The following SPTB variants were observed in gnomAD, a reference collection of about 807,000 sequenced individuals.
The protein encoded by SPTB is spectrin beta, erythrocytic, also known as spectrin beta chain, erythrocytic.
SPTB carries 45 observed loss-of-function variants against 256.2 expected under a neutral mutation model. The ratio of observed to expected loss-of-function variants is 0.18; its 90% CI spans 0.14 to 0.23. The LOEUF (loss-of-function observed/expected upper bound fraction) is 0.23, where lower values mean the gene tolerates loss of function less well. Among genes scored for constraint, SPTB ranks in the 10% least tolerant of loss-of-function variants. The pLI is 1.00. For missense variants in SPTB, 2,715 were observed against 3,040.4 expected (o/e 0.89, Z 2.52); for synonymous variants, 1,231 against 1,243.1 (o/e 0.99, Z 0.21).
At position 64,764,788 on chromosome 14, in the gene SPTB, G is replaced by A. The variant is rs963337707; in HGVS notation, c.6345+1938C>T. 3.3e-5 allele frequency among the ~76,000 whole-genome samples: 5 copies of A among 152,158 alleles called. No homozygotes were observed. The highest frequency in any genetic ancestry group is 9.7e-5 in the African/African-American group (4 of 41,442). On this transcript the variant is annotated intron_variant, in intron 32 of 35. Transcript: ENST00000644917. This position sits in a 1 kb window ranked among gnomAD's most constrained non-coding sequence, Gnocchi z 4.2. ...CTAGCCCGTGTCCGCAGTCTGTGCCGGCCCCCCAGAGTTCGCTCTCCTTCC... is the reference window on the plus strand; with the variant it reads ...CTAGCCCGTGTCCGCAGTCTGTGCCAGCCCCCCAGAGTTCGCTCTCCTTCC...
In SPTB at chr14:64,771,842, G is replaced by C. The variant is rs187333788; in HGVS notation, c.5554-713C>G. On this transcript the variant is annotated intron_variant, in intron 26 of 35. Coordinates refer to ENST00000644917, the MANE Select transcript of SPTB (RefSeq NM_001355436.2). ...ATGAACCAGGGGCCCAGCCAACCCT[G>C]GTGTTCTGTCCCCAAGCCCTGCAGG... 8.5e-4 allele frequency among the ~76,000 whole-genome samples: 129 copies of C among 152,316 alleles called. 2 individuals carry two copies. In the East Asian group the frequency reaches 0.021, roughly 25 times the overall value.
intron 2 of SPTB, among the ~76,000 whole-genome samples, chr14:64,805,864 G>C (rs2285006): frequency 0.25 from 38,345 of 152,114 alleles, 4,959 homozygotes; most frequent in Middle Eastern, 0.3. Context: ...TGACTCATGT[G>C]GGGGTAAGGA....
Position 64,866,819 on chromosome 14 carries a change from C to A in SPTB, c.-52+12973G>T, listed in dbSNP as rs183681673. The stretch of plus-strand genomic sequence containing the variant: ...ACATGCCTTAAGGACAAACAATAAA[C>A]AGATTAACTGTACCCAGAAAAATAA... On this transcript the variant is annotated intron_variant, in intron 1 of 35. Coordinates refer to ENST00000644917, the MANE Select transcript of SPTB (RefSeq NM_001355436.2). This position sits in a 1 kb window ranked among gnomAD's most constrained non-coding sequence, Gnocchi z 4.6. 1.3e-3 allele frequency among the ~76,000 whole-genome samples: 198 copies of A among 152,268 alleles called. No individual in the cohort carries two copies. Among genetic ancestry groups the A allele is most frequent in the African/African-American group, 4.8e-3 (198 of 41,548 alleles).
At position 64,749,394 on chromosome 14, in the gene SPTB, A is replaced by G. The variant is rs928221807; in HGVS notation, c.6899T>C (p.Leu2300Pro). 1.9e-6 allele frequency: 3 copies of G among 1,609,432 alleles called. No individual in the cohort carries two copies. In the African/African-American group the frequency reaches 4.0e-5, roughly 21 times the overall value. Residue 2300 changes from leucine to proline, a missense_variant, in exon 36 of 36, where the codon CTG (leucine) becomes CCG (proline). By Grantham distance (98) the Leu-to-Pro change is moderately conservative. Coordinates refer to ENST00000644917, the MANE Select transcript of SPTB (RefSeq NM_001355436.2). The surrounding 1 kb of genome is among the most constrained non-coding windows in gnomAD (Gnocchi z 4.7). Reference sequence around the variant, plus strand: ...GGGGCCGGAGAGGGAAGGCAGGGGCAGGCTCTGCGCCTTGACGCGGATGCT... The same window carrying G: ...GGGGCCGGAGAGGGAAGGCAGGGGCGGGCTCTGCGCCTTGACGCGGATGCT... Reference protein sequence around the residue: ...SQSIRVKAQSLPLPSLSGPDA... With the variant: ...SQSIRVKAQSPPLPSLSGPDA...
chr14:64,856,880 G>A (rs1455584153), intron 1 of SPTB, among the ~76,000 whole-genome samples: 1 of 152,246 alleles, frequency 6.6e-6, no homozygotes, highest in Non-Finnish European at 1.5e-5. Context: ...AGCTGCTGCT[G>A]ACATGTTTGA....
chr14:64,859,919 T>A (rs2083937885), intron 1 of SPTB, among the ~76,000 whole-genome samples: 1 of 152,052 alleles, frequency 6.6e-6, no homozygotes, highest in African/African-American at 2.4e-5. Context: ...AAAAAAAAAT[T>A]AAGTGTTTCT....
chr14:64,788,735 T>G (rs2082618801), intron 15 of SPTB, among the ~76,000 whole-genome samples: 7 of 152,230 alleles, frequency 4.6e-5, no homozygotes, highest in Middle Eastern at 6.8e-3. Flanking sequence ...CACTGGAGCT[T>G]GGGTCTAGTC....
At chr14:64,876,769 G>T (rs1882844562) in intron 1 of SPTB, among the ~76,000 whole-genome samples, 1 of 152,140 alleles carries the variant, frequency 6.6e-6, no homozygotes, top group Non-Finnish European at 1.5e-5. Flanking sequence ...GCACTAAAAT[G>T]AAAGGACTAG....
At chr14:64,800,489 T>C (rs539276941) in intron 8 of SPTB, among the ~76,000 whole-genome samples, 1 of 152,218 alleles carries the variant, frequency 6.6e-6, no homozygotes, top group African/African-American at 2.4e-5. Context: ...AGGGTTCCTG[T>C]GGGGATGTCC....
At chr14:64,809,512 A>G (rs867114071) in intron 2 of SPTB, among the ~76,000 whole-genome samples, 20 of 151,732 alleles carry the variant, frequency 1.3e-4, no homozygotes, top group African/African-American at 4.6e-4. Context: ...TACCCAGCTA[A>G]TTTTTTATAT....
At chr14:64,821,494 C>A (rs1284651193) in intron 2 of SPTB, among the ~76,000 whole-genome samples, 1 of 152,220 alleles carries the variant, frequency 6.6e-6, no homozygotes, top group Non-Finnish European at 1.5e-5. Flanking sequence ...GAATATGGTA[C>A]CCCTCTCCCT....
chr14:64,801,848 A>T lies in SPTB; in HGVS notation c.567-14T>A. ...ACATGAGGGTAGCTGCATCCAAGAG[A>T]AACAGTAAGAGCTAAGAATTAGATT... On this transcript the variant is annotated splice_polypyrimidine_tract_variant and intron_variant, in intron 5 of 35. Coordinates refer to ENST00000644917, the MANE Select transcript of SPTB (RefSeq NM_001355436.2). 1 of 1,611,968 alleles carries T rather than the reference A, an allele frequency of 6.2e-7. No homozygotes were observed. The highest frequency in any genetic ancestry group is 8.5e-7 in the Non-Finnish European group (1 of 1,178,000).
At chr14:64,835,604 C>T (rs1244166887) in intron 1 of SPTB, among the ~76,000 whole-genome samples, 1 of 152,146 alleles carries the variant, frequency 6.6e-6, no homozygotes, top group African/African-American at 2.4e-5. Flanking sequence ...AGCACTCTAC[C>T]ACTAGAGTCG....
In SPTB at chr14:64,824,731, T is replaced by G. The variant is rs995157455; in HGVS notation, c.-51-1586A>C. On this transcript the variant is annotated intron_variant, in intron 1 of 35. Coordinates refer to ENST00000644917, the MANE Select transcript of SPTB (RefSeq NM_001355436.2). This position sits in a 1 kb window ranked among gnomAD's most constrained non-coding sequence, Gnocchi z 5.7. Reference sequence around the variant, plus strand: ...ACACTGACACACACCAGCACACACATGCACATCCACCAGGCACATGATCAC... The same window carrying G: ...ACACTGACACACACCAGCACACACAGGCACATCCACCAGGCACATGATCAC... Among the ~76,000 whole-genome samples, 2 of 152,054 alleles carry G rather than the reference T, an allele frequency of 1.3e-5. No homozygotes were observed. The highest frequency in any genetic ancestry group is 4.8e-5 in the African/African-American group (2 of 41,398).
intron 1 of SPTB, among the ~76,000 whole-genome samples, chr14:64,842,037 A>T (rs1179593318): frequency 1.3e-5 from 2 of 152,206 alleles, no homozygotes; most frequent in Non-Finnish European, 2.9e-5. Context: ...GCTGCTTGCA[A>T]AGTAACTGCC....
chr14:64,818,365 C>T (rs932436715), intron 2 of SPTB, among the ~76,000 whole-genome samples: 10 of 152,048 alleles, frequency 6.6e-5, no homozygotes, highest in Admixed American at 2.6e-4. Flanking sequence ...CATGGGATGC[C>T]GGATGCCAAG....
In SPTB at chr14:64,750,097, A is replaced by C; in HGVS notation, c.6660T>G (p.Asp2220Glu). 2 of 1,614,200 alleles carry C rather than the reference A, an allele frequency of 1.2e-6. No individual in the cohort carries two copies. The highest frequency in any genetic ancestry group is 2.2e-5 in the South Asian group (2 of 91,082). Residue 2220 changes from aspartate (D) to glutamate (E), a missense_variant, in exon 34 of 36, where the codon GAT (aspartate) becomes GAG (glutamate). Asp to Glu is a conservative substitution (Grantham distance 45, BLOSUM62 2). This residue lies in a region of SPTB where 2,239 missense variants were observed against 2,384.4 expected (regional missense o/e 0.94). Coordinates refer to ENST00000644917, the MANE Select transcript of SPTB (RefSeq NM_001355436.2). ...GCATCCCCAGGGCCAGGTTCTTGGC[A>C]TCCTTGTAGAAGGTTAGCTCACTGT... is the stretch of plus-strand genomic sequence containing the variant. ...LRNSELTFYK[D>E]AKNLALGMPY...
intron 1 of SPTB, among the ~76,000 whole-genome samples, chr14:64,833,017 A>G (rs2083470622): frequency 6.6e-6 from 1 of 152,202 alleles, no homozygotes; most frequent in Non-Finnish European, 1.5e-5. Context: ...TTTAAAACCC[A>G]TAATAAATCA....
In SPTB at chr14:64,825,966, C is replaced by T. The variant is rs559990571; in HGVS notation, c.-51-2821G>A. The stretch of plus-strand genomic sequence containing the variant: ...AGATGTATATGTGTGTCTAAATATA[C>T]AGCTGGAGGGTTTTTGTTTTTGTTT... On this transcript the variant is annotated intron_variant, in intron 1 of 35. Coordinates refer to ENST00000644917, the MANE Select transcript of SPTB (RefSeq NM_001355436.2). This position sits in a 1 kb window ranked among gnomAD's most constrained non-coding sequence, Gnocchi z 4.8. 6.6e-6 allele frequency among the ~76,000 whole-genome samples: 1 copy of T among 152,366 alleles called. No individual in the cohort carries two copies. Among genetic ancestry groups the T allele is most frequent in the African/African-American group, 2.4e-5 (1 of 41,584 alleles).
Sources: allele counts gnomAD v4.1 joint callset (sites outside exome capture counted in the v4.1 genomes callset), GRCh38; gene constraint gnomAD v4.1.1; regional missense constraint gnomAD v4.1.1; non-coding constraint Gnocchi (gnomAD v3.1); transcripts MANE v1.5; gene names NCBI Gene and HGNC (gene_info 2026-07-23, HGNC 2026-07-21).